The following GALNT18 variants were observed in gnomAD, a reference collection of about 807,000 sequenced individuals.
GALNT18 encodes GalNAc-transferase 18.
In GALNT18, 44 loss-of-function variants were observed where a neutral mutation model predicts 69.5. The ratio of observed to expected loss-of-function variants is 0.63; its 90% CI spans 0.50 to 0.81. The LOEUF (loss-of-function observed/expected upper bound fraction) is 0.81. GALNT18 is among the 40% of genes least tolerant of loss of function. The probability of loss-of-function intolerance (pLI) is 0.00; values close to 1 mark genes in which losing one functional copy is unlikely to be tolerated. For missense variants in GALNT18, 715 were observed against 810.0 expected, an observed-to-expected ratio of 0.88 and a Z score of 1.42; for synonymous variants, 364 against 318.2, an observed-to-expected ratio of 1.14 and a Z score of -1.53.
At chr11:11,373,679 G>T (rs1211502806) in intron 5 of GALNT18, among the ~76,000 whole-genome samples, 1 of 152,246 alleles carries the variant, frequency 6.6e-6, no homozygotes, top group Admixed American at 6.5e-5. Flanking sequence ...TTCCTTGAGG[G>T]CTGTGAGCTT....
intron 10 of GALNT18, among the ~76,000 whole-genome samples, chr11:11,284,102 CAG>C (rs1491372007): frequency 3.9e-5 from 6 of 152,176 alleles, no homozygotes; most frequent in African/African-American, 7.2e-5. Flanking sequence ...CAAAAGGAGA[CAG>C]AGCATGCTGA....
rs12798935 is a variant in GALNT18 at position 11,523,394 on chromosome 11, C to A, written c.236-74458G>T. Among the ~76,000 whole-genome samples the A allele has an allele frequency of 6.6e-6, 1 of 151,816 alleles. No homozygotes were observed. The highest frequency in any genetic ancestry group is 6.6e-5 in the Admixed American group (1 of 15,256). ...CTTGCTTGCTCTGTGCAGAGGTAAC[C>A]GAGAGCTACCTCTAGAGGTCTTCAA... On this transcript the variant is annotated intron_variant, in intron 1 of 10. Transcript: ENST00000227756. The surrounding 1 kb of genome is among the most constrained non-coding windows in gnomAD (Gnocchi z 4.3).
chr11:11,271,305 A>C lies in GALNT18; in HGVS notation c.1678-15T>G, dbSNP rs1589992522. On this transcript the variant is annotated splice_polypyrimidine_tract_variant and intron_variant, in intron 10 of 10. Coordinates refer to ENST00000227756, the MANE Select transcript of GALNT18 (RefSeq NM_198516.3). The stretch of plus-strand genomic sequence containing the variant: ...ATGGGTCCTCCCTAGGGGCCAGGGC[A>C]GACAGTGGGGTCAGAGGGCATAGAG... 1 of 1,611,638 alleles carries C rather than the reference A, an allele frequency of 6.2e-7. No homozygotes were observed. The highest frequency in any genetic ancestry group is 2.2e-5 in the East Asian group (1 of 44,746).
Position 11,470,222 on chromosome 11 carries a change from C to G in GALNT18, c.236-21286G>C, listed in dbSNP as rs1053460652. 1.3e-5 allele frequency among the ~76,000 whole-genome samples: 2 copies of G among 152,166 alleles called. No individual in the cohort carries two copies. The highest frequency in any genetic ancestry group is 1.5e-5 in the Non-Finnish European group (1 of 68,026). ...TCATTGTGTCACTAAGGGCAGAGAC[C>G]CTGTACCACCAGGTTCAAGGCCAGG... On this transcript the variant is annotated intron_variant, in intron 1 of 10. Coordinates refer to ENST00000227756, the MANE Select transcript of GALNT18 (RefSeq NM_198516.3). The surrounding 1 kb of genome is among the most constrained non-coding windows in gnomAD (Gnocchi z 4.8).
intron 1 of GALNT18, chr11:11,475,336 T>C (rs949117953): frequency 2.6e-5 from 4 of 152,222 alleles, no homozygotes; most frequent in East Asian, 1.9e-4. Context: ...CACAGTGATA[T>C]CCTTCCAAAT....
At chr11:11,513,500 A>T (rs141841614) in intron 1 of GALNT18, among the ~76,000 whole-genome samples, 2 of 152,304 alleles carry the variant, frequency 1.3e-5, no homozygotes, top group Non-Finnish European at 2.9e-5. Context: ...AGAAGCTGAG[A>T]TTGGCACATC....
intron 1 of GALNT18, among the ~76,000 whole-genome samples, chr11:11,506,035 T>C (rs773906697): frequency 6.6e-6 from 1 of 152,188 alleles, no homozygotes; most frequent in Non-Finnish European, 1.5e-5. Flanking sequence ...CTGCAGCAAC[T>C]TGTAATGCCC....
rs1055906764 is a variant in GALNT18 at position 11,540,686 on chromosome 11, T to C, written c.235+80673A>G. Among the ~76,000 whole-genome samples the C allele has an allele frequency of 5.9e-5, 9 of 152,144 alleles. No individual in the cohort carries two copies. Among genetic ancestry groups the C allele is most frequent in the Non-Finnish European group, 1.0e-4 (7 of 68,036 alleles). On this transcript the variant is annotated intron_variant, in intron 1 of 10. Transcript: ENST00000227756. The surrounding 1 kb of genome is among the most constrained non-coding windows in gnomAD (Gnocchi z 4.6). ...TTTTCCTGCCACCTCTAATGAGATA[T>C]GCACTTCAAAAAGGCACCCTCAACA... is the stretch of plus-strand genomic sequence containing the variant.
At chr11:11,293,601 C>T (rs992473777) in intron 9 of GALNT18, among the ~76,000 whole-genome samples, 15 of 124,374 alleles carry the variant, frequency 1.2e-4, no homozygotes, top group East Asian at 7.3e-4. Context: ...AGTGCAGTGG[C>T]GCTATTTCGG....
rs952823120 is a variant in GALNT18, at chr11:11,470,243, C to A, written c.236-21307G>T. On this transcript the variant is annotated intron_variant, in intron 1 of 10. Coordinates refer to ENST00000227756, the MANE Select transcript of GALNT18 (RefSeq NM_198516.3). This position sits in a 1 kb window ranked among gnomAD's most constrained non-coding sequence, Gnocchi z 4.8. ...AGACCCTGTACCACCAGGTTCAAGG[C>A]CAGGTCTTCAGTCCTCAGGCCCTAA... 6.6e-6 allele frequency among the ~76,000 whole-genome samples: 1 copy of A among 152,188 alleles called. No individual in the cohort carries two copies. Among genetic ancestry groups the A allele is most frequent in the Non-Finnish European group, 1.5e-5 (1 of 68,040 alleles).
chr11:11,614,751 C>T lies in GALNT18; in HGVS notation c.235+6608G>A, dbSNP rs115534219. On this transcript the variant is annotated intron_variant, in intron 1 of 10. Coordinates refer to ENST00000227756, the MANE Select transcript of GALNT18 (RefSeq NM_198516.3). The surrounding 1 kb of genome is among the most constrained non-coding windows in gnomAD (Gnocchi z 5.6). ...TGAACTTCAAGGCCCTCATAAATGA[C>T]AAAACCAGACGTGGCTCTCTGACAC... is the stretch of plus-strand genomic sequence containing the variant. Among the ~76,000 whole-genome samples, 286 of 152,296 alleles carry T rather than the reference C, an allele frequency of 1.9e-3. 2 individuals are homozygous for T. Among genetic ancestry groups the T allele is most frequent in the African/African-American group, 6.6e-3 (275 of 41,566 alleles).
At position 11,271,034 on chromosome 11, in the gene GALNT18, G is replaced by T. The variant is rs1848815289; in HGVS notation, c.*110C>A. The T allele has an allele frequency of 1.1e-6, 1 of 877,800 alleles. No homozygotes were observed. Among genetic ancestry groups the T allele is most frequent in the East Asian group, 2.5e-5 (1 of 39,718 alleles). The allele number at this position is 877,800 out of a possible 1,614,324, so 54.4% of individuals were successfully genotyped here. A position where few individuals can be genotyped will look rare whatever the true frequency, so the allele number is the denominator to read the frequency against. Reference sequence around the variant, plus strand: ...AGGAAATAAAAAGCTCTTCTTGGGGGCCCACTAACCTGGTTCCCCAGACTC... The same window carrying T: ...AGGAAATAAAAAGCTCTTCTTGGGGTCCCACTAACCTGGTTCCCCAGACTC... On this transcript the variant is annotated 3_prime_UTR_variant, in exon 11 of 11. Transcript: ENST00000227756.
chr11:11,280,148 C>A (rs11021748), intron 10 of GALNT18, among the ~76,000 whole-genome samples: 11 of 152,030 alleles, frequency 7.2e-5, no homozygotes, highest in Non-Finnish European at 1.6e-4. Flanking sequence ...GGGCACCCCC[C>A]GCCCGGGGAG....
chr11:11,553,144 G>A (rs1278118958), intron 1 of GALNT18, among the ~76,000 whole-genome samples: 2 of 152,172 alleles, frequency 1.3e-5, no homozygotes, highest in Non-Finnish European at 2.9e-5. Context: ...TCTGGGGTGT[G>A]GGAAAGCAAG....
rs887231149 is a variant in GALNT18, at chr11:11,415,167, C to T, written c.595+17454G>A. Among the ~76,000 whole-genome samples the T allele has an allele frequency of 6.6e-6, 1 of 152,190 alleles. No individual in the cohort carries two copies. Among genetic ancestry groups the T allele is most frequent in the Non-Finnish European group, 1.5e-5 (1 of 68,042 alleles). ...CTGTGACTTCCCCTTCTGCCATCAG[C>T]TAGAGAACACTCTGCTTTCAGAAGG... On this transcript the variant is annotated intron_variant, in intron 3 of 10. Coordinates refer to ENST00000227756, the MANE Select transcript of GALNT18 (RefSeq NM_198516.3). This position sits in a 1 kb window ranked among gnomAD's most constrained non-coding sequence, Gnocchi z 4.1.
intron 3 of GALNT18, among the ~76,000 whole-genome samples, chr11:11,427,741 A>G (rs1037087387): frequency 1.3e-4 from 20 of 152,204 alleles, no homozygotes; most frequent in Non-Finnish European, 1.5e-5. Context: ...AACAGTGGCT[A>G]CTTGTCAGCT....
At chr11:11,433,673 G>A (rs1202707103) in intron 2 of GALNT18, among the ~76,000 whole-genome samples, 1 of 152,208 alleles carries the variant, frequency 6.6e-6, no homozygotes, top group African/African-American at 2.4e-5. Flanking sequence ...CCCATGAGAG[G>A]CCAGACGATG....
At chr11:11,348,241 G>A (rs1031942843) in intron 6 of GALNT18, among the ~76,000 whole-genome samples, 1 of 152,062 alleles carries the variant, frequency 6.6e-6, no homozygotes, top group African/African-American at 2.4e-5. Context: ...AGCTGGGCAT[G>A]GTGGCGGGTG....
At chr11:11,450,814 T>C (rs1855776962) in intron 1 of GALNT18, among the ~76,000 whole-genome samples, 1 of 152,288 alleles carries the variant, frequency 6.6e-6, no homozygotes, top group East Asian at 1.9e-4. Context: ...TCATTTTATA[T>C]ATAAAGAAAG....
Sources: gnomAD v4.1 joint callset for allele counts (sites outside exome capture counted in the v4.1 genomes callset) on GRCh38, gnomAD v4.1.1 for gene constraint, Gnocchi (gnomAD v3.1) non-coding constraint, MANE v1.5 for transcripts, NCBI Gene and HGNC (gene_info 2026-07-23, HGNC 2026-07-21) for gene names.